RUVBL1: variants seen among roughly 807,000 people sequenced by gnomAD.
RUVBL1 encodes RuvB like AAA ATPase 1, also known as ruvB-like 1.
In RUVBL1, 4 loss-of-function variants were observed where a neutral mutation model predicts 52.4. The observed-to-expected ratio is 0.08, with a 90% CI of 0.04 to 0.17. The LOEUF (loss-of-function observed/expected upper bound fraction) is 0.17. RUVBL1 is among the 10% of genes least tolerant of loss of function. The pLI is 1.00. For synonymous variants in RUVBL1, 217 were observed against 214.4 expected (o/e 1.01, Z -0.10); for missense variants, 298 against 572.8 (o/e 0.52, Z 4.90).
intron 1 of RUVBL1, among the ~76,000 whole-genome samples, chr3:128,139,510 C>G (rs769547798): frequency 4.7e-4 from 72 of 152,116 alleles, no homozygotes; most frequent in Non-Finnish European, 1.0e-3. Flanking sequence ...CATCTCACTC[C>G]AGTTAAAATG....
chr3:128,089,133 G>A (rs764191686), intron 8 of RUVBL1, among the ~76,000 whole-genome samples: 21 of 152,312 alleles, frequency 1.4e-4, no homozygotes, highest in Non-Finnish European at 2.1e-4. Context: ...TACTAATGAG[G>A]CATTTGAATG....
At chr3:128,069,700 AGC>A (rs1222643950) in intron 9 of RUVBL1, 1 of 1,591,930 alleles carries the variant, frequency 6.3e-7, no homozygotes, top group Non-Finnish European at 8.6e-7. Flanking sequence ...CTGCTCCAGA[AGC>A]GCCTCGGAAG....
rs1942891568 is a variant in RUVBL1 at position 128,093,333 on chromosome 3, G to T, written c.1016+3967C>A. ...AATGGTTGCCAGTGGATGGGGGTAAGGGTGCAGAAGGGGACGATGACTATT... is the reference window on the plus strand; with the variant it reads ...AATGGTTGCCAGTGGATGGGGGTAATGGTGCAGAAGGGGACGATGACTATT... On this transcript the variant is annotated intron_variant, in intron 8 of 10. Coordinates refer to ENST00000322623, the MANE Select transcript of RUVBL1 (RefSeq NM_003707.3). Among the ~76,000 whole-genome samples, 5 of 152,200 alleles carry T rather than the reference G, an allele frequency of 3.3e-5. No homozygotes were observed. The South Asian group carries it at 1.0e-3, about 31-fold the overall frequency.
intron 3 of RUVBL1, among the ~76,000 whole-genome samples, chr3:128,105,258 T>A (rs1163829289): frequency 2.0e-5 from 3 of 152,004 alleles, no homozygotes; most frequent in Non-Finnish European, 4.4e-5. Context: ...TAGCTGGGAC[T>A]ACAGGCGCCC....
In RUVBL1 at chr3:128,123,768, C is replaced by G. The variant is rs758224179; in HGVS notation, c.-44G>C. 3.9e-6 allele frequency: 6 copies of G among 1,551,924 alleles called. No individual in the cohort carries two copies. The highest frequency in any genetic ancestry group is 5.3e-6 in the Non-Finnish European group (6 of 1,140,900). Reference sequence around the variant, plus strand: ...TAAAACCAGCGTGGAAAACCAGCAGCTAGGACAGTGCGCCCGGCGCCTGAG... The same window carrying G: ...TAAAACCAGCGTGGAAAACCAGCAGGTAGGACAGTGCGCCCGGCGCCTGAG... On this transcript the variant is annotated 5_prime_UTR_variant, in exon 1 of 11. An upstream open reading frame in the 5' UTR loses its in-frame stop. Coordinates refer to ENST00000322623, the MANE Select transcript of RUVBL1 (RefSeq NM_003707.3).
intron 4 of RUVBL1, 77 bp downstream of exon 4, chr3:128,104,696 G>A: frequency 7.6e-7 from 1 of 1,310,244 alleles, no homozygotes; most frequent in Non-Finnish European, 1.1e-6. Flanking sequence ...CTGGGATGCA[G>A]AGAGGTTACA....
intron 1 of RUVBL1, among the ~76,000 whole-genome samples, chr3:128,152,501 C>T (rs1027659775): frequency 6.6e-6 from 1 of 152,136 alleles, no homozygotes; most frequent in Non-Finnish European, 1.5e-5. Flanking sequence ...TTTTATTTTC[C>T]CTAGGAGACT....
At chr3:128,088,149 C>T (rs1942709365) in intron 8 of RUVBL1, among the ~76,000 whole-genome samples, 1 of 151,878 alleles carries the variant, frequency 6.6e-6, no homozygotes, top group Admixed American at 6.6e-5. Context: ...GTAATCCCAG[C>T]TACTCAGGAG....
intron 2 of RUVBL1, among the ~76,000 whole-genome samples, chr3:128,116,202 A>G (rs914315728): frequency 2.0e-5 from 3 of 151,154 alleles, no homozygotes; most frequent in African/African-American, 7.3e-5. Flanking sequence ...ATAAAAGAGG[A>G]CTCTTGAAGG....
Position 128,104,982 on chromosome 3 carries a change from G to A in RUVBL1, c.362-58C>T, listed in dbSNP as rs1029657147. ...AGCAGAATCTTTTCTCTCACACTGA[G>A]AGCCCAAAACTTCCATGTCACCAGA... On this transcript the variant is annotated intron_variant, in intron 3 of 10. Transcript: ENST00000322623. The A allele has an allele frequency of 2.3e-5, 36 of 1,551,856 alleles. No individual in the cohort carries two copies. The Admixed American group carries it at 5.0e-4, about 22-fold the overall frequency.
At chr3:128,099,632 A>AGGCT (rs1463090399) in intron 6 of RUVBL1, among the ~76,000 whole-genome samples, 1 of 152,178 alleles carries the variant, frequency 6.6e-6, no homozygotes, top group Non-Finnish European at 1.5e-5. Flanking sequence ...CAAGAGGAAG[A>AGGCT]GGCTGGTGTT....
At chr3:128,137,232 AAAAATAC>A (rs1168673649) in intron 1 of RUVBL1, among the ~76,000 whole-genome samples, 7 of 152,216 alleles carry the variant, frequency 4.6e-5, no homozygotes, top group African/African-American at 1.7e-4. Flanking sequence ...AAATTGAAAT[AAAAATAC>A]AAAAAAGCAA....
At chr3:128,135,565 GA>G (rs1230828692) in intron 1 of RUVBL1, among the ~76,000 whole-genome samples, 1 of 152,062 alleles carries the variant, frequency 6.6e-6, no homozygotes, top group Non-Finnish European at 1.5e-5. Context: ...AACTGCTGAA[GA>G]AAAAATATTT....
At position 128,081,156 on chromosome 3, in the gene RUVBL1, G is replaced by A; in HGVS notation, c.*94C>T. 7.5e-7 allele frequency: 1 copy of A among 1,337,254 alleles called. No individual in the cohort carries two copies. The highest frequency in any genetic ancestry group is 1.4e-5 in the South Asian group (1 of 73,780). 82.8% of individuals were successfully genotyped at this position (1,337,254 alleles called of 1,614,324 possible). Reference sequence around the variant, plus strand: ...GCGCTGCAGACCACGCCTGAGTGGGGACGGCAGCCCCAAGCCCAGGGGCAA... The same window carrying A: ...GCGCTGCAGACCACGCCTGAGTGGGAACGGCAGCCCCAAGCCCAGGGGCAA... On this transcript the variant is annotated 3_prime_UTR_variant, in exon 11 of 11. Transcript: ENST00000322623. This position sits in a 1 kb window ranked among gnomAD's most constrained non-coding sequence, Gnocchi z 4.8.
rs573097735 is a variant in RUVBL1 at position 128,150,120 on chromosome 3, A to G, written c.-40+3083T>C. 2.6e-5 allele frequency among the ~76,000 whole-genome samples: 4 copies of G among 152,190 alleles called. No homozygotes were observed. In the South Asian group the frequency reaches 8.3e-4, roughly 32 times the overall value. Reference sequence around the variant, plus strand: ...TTGTCAGCTCAAATGCCTCTCCCTTAATAAGCATCCTCCTCCCTTGCACCA... The same window carrying G: ...TTGTCAGCTCAAATGCCTCTCCCTTGATAAGCATCCTCCTCCCTTGCACCA... On this transcript the variant is annotated intron_variant, in intron 1 of 9. Coordinates refer to the RUVBL1 transcript ENST00000464873.
At position 128,097,790 on chromosome 3, in the gene RUVBL1, C is replaced by T. The variant is rs72986242; in HGVS notation, c.818-292G>A. Among the ~76,000 whole-genome samples, 176 of 152,334 alleles carry T rather than the reference C, an allele frequency of 1.2e-3. 1 individual carries two copies. Among genetic ancestry groups the T allele is most frequent in the Middle Eastern group, 3.4e-3 (1 of 294 alleles). On this transcript the variant is annotated intron_variant, in intron 7 of 10. Coordinates refer to ENST00000322623, the MANE Select transcript of RUVBL1 (RefSeq NM_003707.3). ...TGCATGGGAATCCCTTCACAGCACACGCTCACTGCTGTCACACTCCCTACC... is the reference window on the plus strand; with the variant it reads ...TGCATGGGAATCCCTTCACAGCACATGCTCACTGCTGTCACACTCCCTACC...
intron 9 of RUVBL1, among the ~76,000 whole-genome samples, chr3:128,086,783 T>C (rs970224643): frequency 2.0e-5 from 3 of 152,266 alleles, no homozygotes; most frequent in African/African-American, 4.8e-5. Flanking sequence ...GCTTGGCACA[T>C]AGTTGTGCTC....
At chr3:128,118,247 A>C (rs1312273328) in intron 2 of RUVBL1, among the ~76,000 whole-genome samples, 1 of 152,220 alleles carries the variant, frequency 6.6e-6, no homozygotes, top group African/African-American at 2.4e-5. Context: ...AGTTTAAAAA[A>C]CTGTTCACAA....
intron 1 of RUVBL1, among the ~76,000 whole-genome samples, chr3:128,133,831 A>T (rs1489160823): frequency 3.3e-5 from 5 of 152,220 alleles, no homozygotes; most frequent in African/African-American, 1.2e-4. Flanking sequence ...CTAACTCTTC[A>T]ATGCCCAGAT....
Sources: allele counts gnomAD v4.1 joint callset (sites outside exome capture counted in the v4.1 genomes callset), GRCh38; gene constraint gnomAD v4.1.1; non-coding constraint Gnocchi (gnomAD v3.1); transcripts MANE v1.5; gene names NCBI Gene and HGNC (gene_info 2026-07-23, HGNC 2026-07-21).